The following PPEF1 variants were observed in gnomAD, a reference collection of about 807,000 sequenced individuals.
PPEF1 encodes the protein protein phosphatase with EF-hand domain 1.
A neutral mutation model predicts 53.3 loss-of-function variants in PPEF1; 12 were observed. That is an observed-to-expected ratio of 0.23 (90% CI 0.14 to 0.36). The LOEUF (loss-of-function observed/expected upper bound fraction) is 0.36, where lower values mean the gene tolerates loss of function less well. Among genes scored for constraint, PPEF1 ranks in the 10% least tolerant of loss-of-function variants. PPEF1 has a pLI of 1.00. For missense variants in PPEF1, 334 were observed against 490.4 expected, an observed-to-expected ratio of 0.68 and a Z score of 3.01; for synonymous variants, 165 against 176.7, an observed-to-expected ratio of 0.93 and a Z score of 0.52.
intron 1 of PPEF1, among the ~76,000 whole-genome samples, chrX:18,712,262 A>G (rs1204766400): frequency 9.0e-6 from 1 of 111,617 alleles, no homozygotes; most frequent in Non-Finnish European, 1.9e-5. Context: ...GTATTGCTAT[A>G]TTAACAATTA....
At chrX:18,821,822 A>T (rs1448501598) in intron 13 of PPEF1, among the ~76,000 whole-genome samples, 1 of 106,720 alleles carries the variant, frequency 9.4e-6, no homozygotes, top group Non-Finnish European at 1.9e-5. Context: ...TAACCAGTGC[A>T]AGTGTAGGGA....
chrX:18,720,198 C>A (rs2044550901), intron 1 of PPEF1, among the ~76,000 whole-genome samples: 1 of 109,747 alleles, frequency 9.1e-6, no homozygotes, highest in African/African-American at 3.3e-5. Flanking sequence ...GGAGTTGTTC[C>A]AGAATAAAGG....
intron 1 of PPEF1, among the ~76,000 whole-genome samples, chrX:18,677,689 TGGAAG>T (rs1308145008): frequency 9.0e-6 from 1 of 111,576 alleles, no homozygotes; most frequent in Non-Finnish European, 1.9e-5. Context: ...AGAGAACTTC[TGGAAG>T]TCCCCTGCCA....
intron 13 of PPEF1, among the ~76,000 whole-genome samples, chrX:18,821,604 G>T (rs2047048038): frequency 9.1e-6 from 1 of 110,195 alleles, no homozygotes; most frequent in Non-Finnish European, 1.9e-5. Flanking sequence ...TGGAGACAAG[G>T]TTTCATCATG....
At chrX:18,678,128 C>CAAAA (rs57502489), upstream of PPEF1, among the ~76,000 whole-genome samples, 37 of 33,746 alleles carry the variant, frequency 1.1e-3, no homozygotes, top group African/African-American at 4.4e-3. Context: ...GAGAACCTGG[C>CAAAA]AAAAAAAAAA....
At chrX:18,821,092 G>A (rs1328875644) in intron 13 of PPEF1, among the ~76,000 whole-genome samples, 2 of 107,678 alleles carry the variant, frequency 1.9e-5, no homozygotes, top group Admixed American at 1.0e-4. Context: ...GCGTGGTGGC[G>A]GGCGCCTGTA....
Position 18,800,253 on chromosome X carries a change from A to G in PPEF1, c.1066-3639A>G, listed in dbSNP as rs756951163. On this transcript the variant is annotated intron_variant, in intron 10 of 15. Transcript: ENST00000470157. ...AATTTATGTAAATTTCAATTATTGT[A>G]TATGGCAAAAAAGGAGAAAAATACT... 7.2e-5 allele frequency among the ~76,000 whole-genome samples: 8 copies of G among 111,259 alleles called. No homozygotes were observed. The South Asian group carries it at 2.6e-3, about 36-fold the overall frequency.
At chrX:18,784,150 A>G (rs1336701422) in intron 9 of PPEF1, 102 bp downstream of exon 9, 2 of 760,650 alleles carry the variant, frequency 2.6e-6, no homozygotes, top group East Asian at 7.3e-5. Context: ...AGTGGTTGTA[A>G]CTCTAAAAAG....
intron 1 of PPEF1, among the ~76,000 whole-genome samples, chrX:18,711,754 CTTT>C (rs536021892): frequency 1.1e-5 from 1 of 89,215 alleles, no homozygotes; most frequent in Non-Finnish European, 2.1e-5. Flanking sequence ...ATTACTATAG[CTTT>C]TTTTTTTTTT....
intron 1 of PPEF1, among the ~76,000 whole-genome samples, chrX:18,709,624 A>G (rs1280348948): frequency 1.8e-5 from 2 of 108,109 alleles, no homozygotes; most frequent in African/African-American, 6.8e-5. Flanking sequence ...CAGCCTCTGG[A>G]GTAGCTGGGA....
At chrX:18,684,080 C>A (rs1052632735) in intron 1 of PPEF1, among the ~76,000 whole-genome samples, 4 of 112,147 alleles carry the variant, frequency 3.6e-5, no homozygotes, top group Non-Finnish European at 7.5e-5. Context: ...AATTTGTCCC[C>A]CAGCTACCAA....
chrX:18,763,634 A>G (rs2045711240), intron 6 of PPEF1, among the ~76,000 whole-genome samples: 1 of 111,257 alleles, frequency 9.0e-6, no homozygotes. Context: ...CAGCTGCAAT[A>G]TTATCTTGAG....
chrX:18,737,816 G>A (rs2045025840), intron 3 of PPEF1, among the ~76,000 whole-genome samples: 1 of 111,362 alleles, frequency 9.0e-6, no homozygotes, highest in Non-Finnish European at 1.9e-5. Flanking sequence ...CCTGTATTGG[G>A]TGCACATATA....
chrX:18,693,632 C>A (rs1017714490), intron 4 of PPEF1, among the ~76,000 whole-genome samples: 1 of 112,030 alleles, frequency 8.9e-6, no homozygotes, highest in Admixed American at 9.5e-5. Context: ...AATGGCGCAA[C>A]CTTGGCTCAC....
chrX:18,804,183 T>C, intron 11 of PPEF1, 106 bp downstream of exon 11: 1 of 740,038 alleles, frequency 1.4e-6, no homozygotes, highest in Admixed American at 3.9e-5. Context: ...AGATGTCTTC[T>C]CTAGTACCAA....
intron 1 of PPEF1, among the ~76,000 whole-genome samples, chrX:18,720,946 CA>C (rs1341769951): frequency 9.0e-6 from 1 of 111,560 alleles, no homozygotes; most frequent in East Asian, 2.8e-4. Context: ...CTGGAATCTT[CA>C]TGATTATCAT....
upstream of PPEF1, among the ~76,000 whole-genome samples, chrX:18,678,432 G>C (rs971656277): frequency 1.8e-5 from 2 of 111,306 alleles, no homozygotes; most frequent in African/African-American, 6.5e-5. Context: ...GTGAGACCCC[G>C]TCTCAAAAAC....
intron 1 of PPEF1, among the ~76,000 whole-genome samples, chrX:18,727,953 G>T (rs959298574): frequency 1.8e-5 from 2 of 111,650 alleles, no homozygotes; most frequent in African/African-American, 6.5e-5. Context: ...CACTGAACCC[G>T]GTTCTCTTGG....
chrX:18,799,939 C>T (rs887556103), intron 10 of PPEF1, among the ~76,000 whole-genome samples: 3 of 111,444 alleles, frequency 2.7e-5, no homozygotes, highest in Admixed American at 9.6e-5. Flanking sequence ...GTTACCACTA[C>T]GATCTGGGTA....
Sources: gnomAD v4.1 joint callset for allele counts (sites outside exome capture counted in the v4.1 genomes callset) on GRCh38, gnomAD v4.1.1 for gene constraint, MANE v1.5 for transcripts, NCBI Gene and HGNC (gene_info 2026-07-23, HGNC 2026-07-21) for gene names.